The following NMNAT2 variants were observed in gnomAD, a reference collection of about 807,000 sequenced individuals.
The protein encoded by NMNAT2 is nicotinamide/nicotinic acid mononucleotide adenylyltransferase 2.
A neutral mutation model predicts 41.6 loss-of-function variants in NMNAT2; 11 were observed. That is an observed-to-expected ratio of 0.26 (90% CI 0.17 to 0.44). The LOEUF (loss-of-function observed/expected upper bound fraction) is 0.44, where lower values mean the gene tolerates loss of function less well. Ranked by LOEUF, NMNAT2 falls within the 20% of genes least tolerant of loss-of-function variation. The pLI is 1.00. For synonymous variants in NMNAT2, 148 were observed against 151.2 expected (o/e 0.98, Z 0.16); for missense variants, 288 against 407.7 (o/e 0.71, Z 2.53).
intron 7 of NMNAT2, among the ~76,000 whole-genome samples, chr1:183,282,461 A>G (rs537788223): frequency 6.6e-5 from 10 of 152,338 alleles, no homozygotes; most frequent in African/African-American, 2.4e-4. Flanking sequence ...CAGGATGAGG[A>G]GTGCCTGATC....
chr1:183,264,367 CGG>C (rs1660749813), intron 8 of NMNAT2, among the ~76,000 whole-genome samples: 1 of 151,682 alleles, frequency 6.6e-6, no homozygotes, highest in Non-Finnish European at 1.5e-5. Context: ...GTTCAGTGGG[CGG>C]CAAGCAGATG....
chr1:183,394,698 G>A (rs116598086), intron 1 of NMNAT2, among the ~76,000 whole-genome samples: 2 of 152,270 alleles, frequency 1.3e-5, no homozygotes, highest in South Asian at 4.2e-4. Flanking sequence ...CTTCTACAGC[G>A]AGATTAGGGG....
rs1344856158 is a variant in NMNAT2 at position 183,250,701 on chromosome 1, C to A, written c.*1940G>T. On this transcript the variant is annotated 3_prime_UTR_variant, in exon 11 of 11. Transcript: ENST00000287713. ...TTTTTTCAGTTTATTATTTCATGATCCCTAGTCAAACACTGATACCCCAAA... is the reference window on the plus strand; with the variant it reads ...TTTTTTCAGTTTATTATTTCATGATACCTAGTCAAACACTGATACCCCAAA... The A allele has an allele frequency of 6.6e-6, 1 of 152,558 alleles. No homozygotes were observed. Among genetic ancestry groups the A allele is most frequent in the Non-Finnish European group, 1.5e-5 (1 of 68,008 alleles). The allele number at this position is 152,558 out of a possible 1,614,324, so 9.5% of individuals were successfully genotyped here.
intron 1 of NMNAT2, among the ~76,000 whole-genome samples, chr1:183,382,862 G>A (rs1663830537): frequency 6.6e-6 from 1 of 152,180 alleles, no homozygotes; most frequent in African/African-American, 2.4e-5. Context: ...AGTGCCTGCA[G>A]CTTTTCCAAG....
At chr1:183,344,379 C>T (rs558056968) in intron 1 of NMNAT2, among the ~76,000 whole-genome samples, 11 of 152,296 alleles carry the variant, frequency 7.2e-5, no homozygotes, top group Admixed American at 3.3e-4. Context: ...TCAACCACCA[C>T]GTGGCACTGC....
At chr1:183,337,203 TA>T (rs1262534803) in intron 1 of NMNAT2, among the ~76,000 whole-genome samples, 1 of 151,812 alleles carries the variant, frequency 6.6e-6, no homozygotes, top group East Asian at 1.9e-4. Context: ...CCTTAATTTT[TA>T]AAAATGAAAA....
chr1:183,384,576 C>G (rs1648127098), intron 1 of NMNAT2, among the ~76,000 whole-genome samples: 1 of 152,146 alleles, frequency 6.6e-6, no homozygotes. Flanking sequence ...GAGTCTGCCC[C>G]CATGATCCAG....
chr1:183,269,120 T>C lies in NMNAT2; in HGVS notation c.652-7817A>G, dbSNP rs12029225. Among the ~76,000 whole-genome samples the C allele has an allele frequency of 2.2e-3, 340 of 152,192 alleles. 6 individuals carry two copies. In the East Asian group the frequency reaches 0.053, roughly 24 times the overall value. ...ACATCAAATAGAGTTAAGTACAATA[T>C]TGATTATAAAACAAAATGACCTTTA... On this transcript the variant is annotated intron_variant, in intron 8 of 10. Coordinates refer to ENST00000287713, the MANE Select transcript of NMNAT2 (RefSeq NM_015039.4).
At chr1:183,264,903 C>T (rs1242171910) in intron 8 of NMNAT2, among the ~76,000 whole-genome samples, 1 of 152,144 alleles carries the variant, frequency 6.6e-6, no homozygotes, top group African/African-American at 2.4e-5. Flanking sequence ...CGTGCTAATT[C>T]CTCCTTTTCT....
rs1287799751 is a variant in NMNAT2, at chr1:183,249,140, C to A, written c.*3501G>T. ...CAAGCTGAGACAGGAAGAACGGCGT[C>A]TCTAGAAGCTCTAGCTTTGGGTTTC... On this transcript the variant is annotated 3_prime_UTR_variant, in exon 11 of 11. Coordinates refer to ENST00000287713, the MANE Select transcript of NMNAT2 (RefSeq NM_015039.4). The A allele has an allele frequency of 6.6e-6, 1 of 152,182 alleles. No homozygotes were observed. Among genetic ancestry groups the A allele is most frequent in the African/African-American group, 2.4e-5 (1 of 41,434 alleles). 9.4% of individuals were successfully genotyped at this position (152,182 alleles called of 1,614,324 possible). A position where few individuals can be genotyped will look rare whatever the true frequency, so the allele number is the denominator to read the frequency against.
In NMNAT2 at chr1:183,251,903, G is replaced by A. The variant is rs202159120; in HGVS notation, c.*738C>T. 5.0e-5 allele frequency: 8 copies of A among 158,858 alleles called. No individual in the cohort carries two copies. The highest frequency in any genetic ancestry group is 8.4e-5 in the Non-Finnish European group (6 of 71,300). The allele number at this position is 158,858 out of a possible 1,614,324, so 9.8% of individuals were successfully genotyped here. ...GCTACTGCTATATGTGTGTGTGTATGTGCGTGCGCGGGTGCACACGCATGT... is the reference window on the plus strand; with the variant it reads ...GCTACTGCTATATGTGTGTGTGTATATGCGTGCGCGGGTGCACACGCATGT... On this transcript the variant is annotated 3_prime_UTR_variant, in exon 11 of 11. Coordinates refer to ENST00000287713, the MANE Select transcript of NMNAT2 (RefSeq NM_015039.4).
intron 1 of NMNAT2, among the ~76,000 whole-genome samples, chr1:183,311,578 G>T (rs1662120159): frequency 6.6e-6 from 1 of 152,030 alleles, no homozygotes; most frequent in African/African-American, 2.4e-5. Context: ...CACTTCTCAG[G>T]GGTCTGCTTT....
At chr1:183,381,802 C>G (rs1016253877) in intron 1 of NMNAT2, among the ~76,000 whole-genome samples, 1 of 152,194 alleles carries the variant, frequency 6.6e-6, no homozygotes, top group African/African-American at 2.4e-5. Flanking sequence ...CTTATTTTAA[C>G]TCATTATTCC....
rs1200522275 is a variant in NMNAT2, at chr1:183,418,354, G to T, written c.-87C>A. 9.7e-6 allele frequency: 13 copies of T among 1,341,978 alleles called. No individual in the cohort carries two copies. The highest frequency in any genetic ancestry group is 8.7e-5 in the African/African-American group (6 of 69,330). 83.1% of individuals were successfully genotyped at this position (1,341,978 alleles called of 1,614,324 possible). A position where few individuals can be genotyped will look rare whatever the true frequency, so the allele number is the denominator to read the frequency against. On this transcript the variant is annotated 5_prime_UTR_variant, in exon 1 of 11. Coordinates refer to ENST00000287713, the MANE Select transcript of NMNAT2 (RefSeq NM_015039.4). Reference sequence around the variant, plus strand: ...CTGCAGAGGGAGAAAGGAAGGCGAGGCTCCGGCGGTGGATGCTGTGGACTC... The same window carrying T: ...CTGCAGAGGGAGAAAGGAAGGCGAGTCTCCGGCGGTGGATGCTGTGGACTC...
chr1:183,368,450 A>G (rs1195217774), intron 1 of NMNAT2, among the ~76,000 whole-genome samples: 1 of 152,186 alleles, frequency 6.6e-6, no homozygotes, highest in African/African-American at 2.4e-5. Context: ...TGAGGCCTCT[A>G]CACACCACAC....
chr1:183,342,471 G>A (rs1478695010), intron 1 of NMNAT2, among the ~76,000 whole-genome samples: 2 of 152,082 alleles, frequency 1.3e-5, no homozygotes, highest in Non-Finnish European at 2.9e-5. Context: ...TCCACAAAAG[G>A]GGTAGAGATT....
intron 1 of NMNAT2, among the ~76,000 whole-genome samples, chr1:183,399,071 C>G (rs977997730): frequency 3.3e-5 from 5 of 152,038 alleles, no homozygotes; most frequent in African/African-American, 9.7e-5. Context: ...CAGAGCAGAA[C>G]TGAAGGAGAT....
At chr1:183,328,271 T>C (rs1662511357) in intron 1 of NMNAT2, among the ~76,000 whole-genome samples, 1 of 152,146 alleles carries the variant, frequency 6.6e-6, no homozygotes, top group Admixed American at 6.5e-5. Flanking sequence ...CTCTACCCCC[T>C]CTCACCTCCA....
intron 1 of NMNAT2, among the ~76,000 whole-genome samples, chr1:183,401,033 G>A (rs963194214): frequency 1.3e-5 from 2 of 152,178 alleles, no homozygotes; most frequent in African/African-American, 2.4e-5. Context: ...AACATGAAAA[G>A]CAATGGCAAC....
Sources: allele counts gnomAD v4.1 joint callset (sites outside exome capture counted in the v4.1 genomes callset), GRCh38; gene constraint gnomAD v4.1.1; transcripts MANE v1.5; gene names NCBI Gene and HGNC (gene_info 2026-07-23, HGNC 2026-07-21).